Variants in WDR75 observed in about 807,000 individuals in gnomAD.
The protein encoded by WDR75 is WD repeat domain 75.
WDR75 carries 52 observed loss-of-function variants against 106.1 expected under a neutral mutation model. That is an observed-to-expected ratio of 0.49 (90% CI 0.39 to 0.62). The LOEUF (loss-of-function observed/expected upper bound fraction) is 0.62, where lower values mean the gene tolerates loss of function less well. WDR75 is among the 20% of genes least tolerant of loss of function. The pLI, the probability that WDR75 is intolerant of heterozygous loss-of-function variation, is 0.00. For synonymous variants in WDR75, 333 were observed against 335.5 expected (o/e 0.99, Z 0.08); for missense variants, 905 against 970.3 (o/e 0.93, Z 0.89).
chr2:189,466,338 A>G, intron 12 of WDR75, 87 bp from the exon 13 acceptor site: 1 of 1,417,544 alleles, frequency 7.1e-7, no homozygotes, highest in South Asian at 1.2e-5. Context: ...TCAAGATGCT[A>G]TTGTAAAATG....
Position 189,465,123 on chromosome 2 carries a change from C to A in WDR75, c.1158C>A (p.Ile386=), listed in dbSNP as rs775109734. The A allele has an allele frequency of 1.9e-5, 31 of 1,610,688 alleles. No homozygotes were observed. The highest frequency in any genetic ancestry group is 2.5e-5 in the Non-Finnish European group (29 of 1,178,098). Residue 386 remains isoleucine (I), a synonymous_variant, in exon 12 of 21, where the codon ATC becomes ATA. Transcript: ENST00000314761. ...AATATATTAATGATTATGGTCTGATCCAAATTGAACTAACAAAGGCTGCAT... is the reference window on the plus strand; with the variant it reads ...AATATATTAATGATTATGGTCTGATACAAATTGAACTAACAAAGGCTGCAT... The part of the protein sequence containing the change: ...QQEYINDYGL[I]QIELTKAAFG...
intron 11 of WDR75, 137 bp from the exon 12 acceptor site, chr2:189,464,941 TG>T (rs1686969926): frequency 1.8e-6 from 1 of 563,310 alleles, no homozygotes; most frequent in Non-Finnish European, 2.9e-6. Flanking sequence ...AGTTCATTTT[TG>T]CCTTTATTTA....
intron 4 of WDR75, among the ~76,000 whole-genome samples, chr2:189,452,539 G>A: frequency 7.6e-6 from 1 of 131,794 alleles, no homozygotes; most frequent in Non-Finnish European, 1.6e-5. Context: ...TCCAGCCTGG[G>A]TGAGACTCTG....
intron 18 of WDR75, 84 bp from the exon 19 acceptor site, chr2:189,474,102 A>T (rs774551661): frequency 4.6e-5 from 63 of 1,379,918 alleles, no homozygotes; most frequent in Non-Finnish European, 5.5e-5. Flanking sequence ...CAGACTTTTT[A>T]TGATTCTGTA....
chr2:189,442,963 T>C (rs1249187355), intron 1 of WDR75, among the ~76,000 whole-genome samples: 1 of 152,186 alleles, frequency 6.6e-6, no homozygotes, highest in African/African-American at 2.4e-5. Flanking sequence ...ACCAGTACTG[T>C]TCTTATACCT....
chr2:189,457,542 G>C (rs1686766055), intron 6 of WDR75, among the ~76,000 whole-genome samples, 161 bp downstream of exon 6: 1 of 152,180 alleles, frequency 6.6e-6, no homozygotes, highest in African/African-American at 2.4e-5. Context: ...ATACCGTATA[G>C]TTTTTAAGCA....
chr2:189,442,739 GC>G (rs1686409006), intron 1 of WDR75, among the ~76,000 whole-genome samples: 1 of 152,044 alleles, frequency 6.6e-6, no homozygotes, highest in African/African-American at 2.4e-5. Context: ...GAGCAACTGT[GC>G]CCGGCCCACC....
Position 189,462,636 on chromosome 2 carries a change from G to A in WDR75, c.931G>A (p.Asp311Asn), listed in dbSNP as rs778140398. The A allele has an allele frequency of 6.2e-7, 1 of 1,613,156 alleles. No homozygotes were observed. The highest frequency in any genetic ancestry group is 1.7e-5 in the Admixed American group (1 of 59,876). Reference protein sequence around the residue: ...AGDLFCTSHSDNKIIIIHRNL... With the variant: ...AGDLFCTSHSNNKIIIIHRNL... ...AGATTTATTCTGCACTTCTCACTCT[G>A]ATAATAGTAAGTCTAAATTTTTTAT... Residue 311 changes from aspartate (D) to asparagine (N), a missense_variant, in exon 9 of 21, where the codon GAT becomes AAT. Coordinates refer to ENST00000314761, the MANE Select transcript of WDR75 (RefSeq NM_032168.3).
intron 5 of WDR75, among the ~76,000 whole-genome samples, chr2:189,456,572 G>A (rs1044115511): frequency 6.6e-6 from 1 of 152,008 alleles, no homozygotes; most frequent in Admixed American, 6.6e-5. Flanking sequence ...TCTACAACCG[G>A]CAGAGAAATA....
At chr2:189,461,554 A>G (rs943188295) in intron 8 of WDR75, among the ~76,000 whole-genome samples, 16 of 152,074 alleles carry the variant, frequency 1.1e-4, no homozygotes, top group Admixed American at 6.5e-4. Flanking sequence ...GTTTTACTCT[A>G]TATTCTAATT....
chr2:189,443,361 T>C (rs1686427681), intron 1 of WDR75, among the ~76,000 whole-genome samples: 1 of 152,188 alleles, frequency 6.6e-6, no homozygotes, highest in African/African-American at 2.4e-5. Context: ...TTGAACAGGC[T>C]GGTACAGTTA....
chr2:189,475,432 G>A lies in WDR75; in HGVS notation c.*15G>A, dbSNP rs779852611. ...CTGCCCTTTAAGCCTTGGAGATGGG[G>A]AGGATCCTTGGACTTTGTGTTTTTG... On this transcript the variant is annotated 3_prime_UTR_variant, in exon 21 of 21. Transcript: ENST00000314761. 2 of 1,526,600 alleles carry A rather than the reference G, an allele frequency of 1.3e-6. No homozygotes were observed. The highest frequency in any genetic ancestry group is 2.8e-5 in the African/African-American group (2 of 72,022). The allele number at this position is 1,526,600 out of a possible 1,614,324, so 94.6% of individuals were successfully genotyped here. A position where few individuals can be genotyped will look rare whatever the true frequency, so the allele number is the denominator to read the frequency against.
rs1686906763 is a variant in WDR75 at position 189,462,332 on chromosome 2, A to G, written c.779-152A>G. On this transcript the variant is annotated intron_variant, in intron 8 of 20. Coordinates refer to ENST00000314761, the MANE Select transcript of WDR75 (RefSeq NM_032168.3). ...CCTGAACCAGTGATCATTTGTCTTCAGAGTATATTAAAAGATACGAAGACA... is the reference window on the plus strand; with the variant it reads ...CCTGAACCAGTGATCATTTGTCTTCGGAGTATATTAAAAGATACGAAGACA... The G allele has an allele frequency of 6.1e-6, 5 of 823,734 alleles. 1 individual carries two copies. In the South Asian group the frequency reaches 9.9e-5, roughly 16 times the overall value. 51.0% of individuals were successfully genotyped at this position (823,734 alleles called of 1,614,324 possible).
At position 189,463,686 on chromosome 2, in the gene WDR75, A is replaced by G. The variant is rs1347248273; in HGVS notation, c.938-8A>G. 6 of 1,613,030 alleles carry G rather than the reference A, an allele frequency of 3.7e-6. No individual in the cohort carries two copies. Among genetic ancestry groups the G allele is most frequent in the African/African-American group, 1.3e-5 (1 of 74,836 alleles). ...GATATTTAAATACCTATTTTTTTCTACCCACAGAGATAATAATTATTCACC... is the reference window on the plus strand; with the variant it reads ...GATATTTAAATACCTATTTTTTTCTGCCCACAGAGATAATAATTATTCACC... On this transcript the variant is annotated splice_polypyrimidine_tract_variant and splice_region_variant and intron_variant, in intron 9 of 20. Transcript: ENST00000314761.
intron 1 of WDR75, among the ~76,000 whole-genome samples, chr2:189,444,406 TC>T (rs1686451009): frequency 6.6e-6 from 1 of 152,144 alleles, no homozygotes; most frequent in South Asian, 2.1e-4. Context: ...TTCCTGGTGT[TC>T]CCATATTAGA....
intron 18 of WDR75, among the ~76,000 whole-genome samples, chr2:189,472,487 C>G (rs1404852288): frequency 6.6e-6 from 1 of 152,066 alleles, no homozygotes; most frequent in Non-Finnish European, 1.5e-5. Flanking sequence ...ATTGTTTTGC[C>G]TATTTTTTGT....
In WDR75 at chr2:189,474,787, T is replaced by C. The variant is rs1317923881; in HGVS notation, c.2267T>C (p.Leu756Pro). 5 of 1,613,910 alleles carry C rather than the reference T, an allele frequency of 3.1e-6. No individual in the cohort carries two copies. In the African/African-American group the frequency reaches 4.0e-5, roughly 13 times the overall value. Residue 756 changes from leucine (L) to proline (P), a missense_variant, in exon 20 of 21, where the codon CTG (leucine) becomes CCG (proline). Coordinates refer to ENST00000314761, the MANE Select transcript of WDR75 (RefSeq NM_032168.3). ...FLCSMFVNSLLLSKETKSAKE... is the reference protein window; with the variant it reads ...FLCSMFVNSLPLSKETKSAKE... ...TGCTCCATGTTTGTAAATTCATTGCTGCTGTCTAAAGAGACTAAGAGGTAA... is the reference window on the plus strand; with the variant it reads ...TGCTCCATGTTTGTAAATTCATTGCCGCTGTCTAAAGAGACTAAGAGGTAA...
rs1002111434 is a variant in WDR75 at position 189,474,282 on chromosome 2, A to G, written c.2146A>G (p.Asn716Asp). ...QDEKLNETLE[N>D]ELVQLPLTEN... Reference sequence around the variant, plus strand: ...TGAAAAACTAAACGAAACTTTAGAGAATGAGCTGGTACAACTACCCTTAAC... The same window carrying G: ...TGAAAAACTAAACGAAACTTTAGAGGATGAGCTGGTACAACTACCCTTAAC... The change falls in exon 19 of 21, where the codon AAT (asparagine) becomes GAT (aspartate). Residue 716 changes from asparagine (N) to aspartate (D), a missense_variant. Transcript: ENST00000314761. 1.2e-6 allele frequency: 2 copies of G among 1,613,738 alleles called. No individual in the cohort carries two copies. The highest frequency in any genetic ancestry group is 1.7e-6 in the Non-Finnish European group (2 of 1,179,858).
intron 1 of WDR75, among the ~76,000 whole-genome samples, chr2:189,447,531 G>A (rs1278979129): frequency 6.6e-6 from 1 of 152,186 alleles, no homozygotes; most frequent in Non-Finnish European, 1.5e-5. Context: ...ACTGCTGTTG[G>A]CAGTACTATT....
Sources: gnomAD v4.1 joint callset for allele counts (sites outside exome capture counted in the v4.1 genomes callset) on GRCh38, gnomAD v4.1.1 for gene constraint, MANE v1.5 for transcripts, NCBI Gene and HGNC (gene_info 2026-07-23, HGNC 2026-07-21) for gene names.